The following CBL variants were observed in gnomAD, a reference collection of about 807,000 sequenced individuals.
The protein encoded by CBL is E3 ubiquitin-protein ligase CBL.
In CBL, 45 loss-of-function variants were observed where a neutral mutation model predicts 96.9. That is an observed-to-expected ratio of 0.46 (90% CI 0.37 to 0.60). CBL has a LOEUF of 0.60. Among genes scored for constraint, CBL ranks in the 20% least tolerant of loss-of-function variants. CBL has a pLI of 0.00. For synonymous variants in CBL, 420 were observed against 426.8 expected, an observed-to-expected ratio of 0.98 and a Z score of 0.20; for missense variants, 1,024 against 1,143.5, an observed-to-expected ratio of 0.90 and a Z score of 1.51.
intron 1 of CBL, among the ~76,000 whole-genome samples, chr11:119,216,339 A>AATTT (rs113078166): frequency 0.19 from 27,506 of 143,840 alleles, 3,082 homozygotes; most frequent in South Asian, 0.45. Context: ...GACTTATTGT[A>AATTT]ATTTATTTAT....
At chr11:119,216,935 G>C (rs759142161) in intron 1 of CBL, among the ~76,000 whole-genome samples, 6 of 152,080 alleles carry the variant, frequency 3.9e-5, no homozygotes, top group Non-Finnish European at 7.3e-5. Context: ...ATATACTTAA[G>C]CAAGTCGTTG....
intron 2 of CBL, among the ~76,000 whole-genome samples, chr11:119,253,347 G>A (rs1362292717): frequency 1.3e-5 from 2 of 150,240 alleles, no homozygotes; most frequent in African/African-American, 2.5e-5. Context: ...GCCATGCACC[G>A]TGGCATATGC....
intron 1 of CBL, among the ~76,000 whole-genome samples, chr11:119,211,219 A>G (rs1949316030): frequency 6.6e-6 from 1 of 152,000 alleles, no homozygotes; most frequent in African/African-American, 2.4e-5. Context: ...TAAAAATACA[A>G]AAATTAGCCG....
At chr11:119,252,653 C>T (rs930111383) in intron 2 of CBL, among the ~76,000 whole-genome samples, 25 of 151,894 alleles carry the variant, frequency 1.6e-4, no homozygotes, top group African/African-American at 4.1e-4. Context: ...GTCAGGAGTT[C>T]GAGACCAGCC....
At position 119,285,005 on chromosome 11, in the gene CBL, C is replaced by T; in HGVS notation, c.1468C>T (p.Gln490Ter). The T allele has an allele frequency of 6.2e-7, 1 of 1,614,202 alleles. No homozygotes were observed. The highest frequency in any genetic ancestry group is 8.5e-7 in the Non-Finnish European group (1 of 1,180,032). The stretch of plus-strand genomic sequence containing the variant: ...GCCTTCTCCATTCTCCATGGCCCCA[C>T]AAGCTTCCCTTCCCCCGGTGCCACC... The part of the protein sequence containing the change: ...RPPSPFSMAP[Q>*]ASLPPVPPRL... The change falls in exon 10 of 16, where the codon CAA becomes TAA. Residue 490 changes from glutamine (Q) to a stop codon, truncating the protein, a stop_gained. Transcript: ENST00000264033. LOFTEE classifies it high-confidence loss of function.
At chr11:119,232,848 A>G (rs184876914) in intron 2 of CBL, among the ~76,000 whole-genome samples, 153 bp downstream of exon 2, 98 of 152,360 alleles carry the variant, frequency 6.4e-4, no homozygotes, top group Non-Finnish European at 1.2e-3. Context: ...AAAGGTTGCC[A>G]TGGATGACGT....
chr11:119,265,655 G>C (rs112007592), intron 2 of CBL, among the ~76,000 whole-genome samples: 5 of 152,192 alleles, frequency 3.3e-5, no homozygotes, highest in African/African-American at 9.6e-5. Context: ...GGAAGCCCAA[G>C]GTGGGTGGAT....
intron 2 of CBL, among the ~76,000 whole-genome samples, chr11:119,263,251 G>A (rs1185646450): frequency 6.6e-6 from 1 of 152,216 alleles, no homozygotes; most frequent in Non-Finnish European, 1.5e-5. Context: ...TACATTGTGA[G>A]TGCTTTCATG....
At chr11:119,252,751 C>T (rs1002702141) in intron 2 of CBL, among the ~76,000 whole-genome samples, 4 of 109,276 alleles carry the variant, frequency 3.7e-5, no homozygotes, top group African/African-American at 7.4e-5. Flanking sequence ...TGGTGGTAGG[C>T]GCCTGTAATC....
At chr11:119,225,729 T>TTC (rs1555226237) in intron 1 of CBL, among the ~76,000 whole-genome samples, 1 of 144,244 alleles carries the variant, frequency 6.9e-6, no homozygotes, top group African/African-American at 2.6e-5. Flanking sequence ...ATTTTCTTTT[T>TTC]TTTTTTTTTT....
Position 119,303,313 on chromosome 11 carries a change from A to G in CBL, c.*3532A>G, listed in dbSNP as rs1227282570. On this transcript the variant is annotated 3_prime_UTR_variant, in exon 16 of 16. Coordinates refer to ENST00000264033, the MANE Select transcript of CBL (RefSeq NM_005188.4). ...TGGCCTTTCTGACTCTGGAATGACC[A>G]CTGTTCATTGAAAAATAGTTTTCTG... 1.3e-5 allele frequency: 3 copies of G among 233,096 alleles called. No individual in the cohort carries two copies. Among genetic ancestry groups the G allele is most frequent in the Non-Finnish European group, 2.5e-5 (3 of 117,762 alleles). 14.4% of individuals were successfully genotyped at this position (233,096 alleles called of 1,614,324 possible).
chr11:119,228,170 T>C (rs1219774674), intron 1 of CBL, among the ~76,000 whole-genome samples: 3 of 152,104 alleles, frequency 2.0e-5, no homozygotes, highest in Non-Finnish European at 4.4e-5. Context: ...GGCTAGAATA[T>C]GGTGGTGTGA....
At chr11:119,299,386 C>A in intron 15 of CBL, 109 bp from the exon 16 acceptor site, 1 of 1,005,522 alleles carries the variant, frequency 9.9e-7, no homozygotes, top group Admixed American at 1.9e-5. Flanking sequence ...AGCACATGTA[C>A]CCAGTTTACA....
At chr11:119,295,723 G>T (rs1324073794) in intron 12 of CBL, among the ~76,000 whole-genome samples, 3 of 152,070 alleles carry the variant, frequency 2.0e-5, no homozygotes, top group African/African-American at 7.2e-5. Flanking sequence ...GTTTCTTTCT[G>T]AATATGGACT....
chr11:119,240,433 AT>A (rs1949577227), intron 2 of CBL, among the ~76,000 whole-genome samples: 1 of 152,212 alleles, frequency 6.6e-6, no homozygotes, highest in Non-Finnish European at 1.5e-5. Flanking sequence ...TTCTTCTGGT[AT>A]TACTTCCATA....
chr11:119,281,539 G>C (rs2135307147), intron 9 of CBL, among the ~76,000 whole-genome samples: 1 of 147,618 alleles, frequency 6.8e-6, no homozygotes, highest in Admixed American at 6.9e-5. Context: ...CTGTCACCCA[G>C]GCTGGAGTGC....
Position 119,303,591 on chromosome 11 carries a change from T to C in CBL, c.*3810T>C, listed in dbSNP as rs751412714. The C allele has an allele frequency of 4.3e-6, 1 of 233,594 alleles. No homozygotes were observed. Among genetic ancestry groups the C allele is most frequent in the Non-Finnish European group, 8.5e-6 (1 of 118,056 alleles). 14.5% of individuals were successfully genotyped at this position (233,594 alleles called of 1,614,324 possible). ...ACCTTTCCTCATAGAGCTATCCTGG[T>C]TAATAACAGGCCAAGATTCTCCCAT... On this transcript the variant is annotated 3_prime_UTR_variant, in exon 16 of 16. Coordinates refer to ENST00000264033, the MANE Select transcript of CBL (RefSeq NM_005188.4).
intron 2 of CBL, among the ~76,000 whole-genome samples, chr11:119,252,768 A>C (rs1227873551): frequency 0.17 from 15 of 86 alleles, no homozygotes; most frequent in Non-Finnish European, 0.28. Flanking sequence ...AATCTCAGCT[A>C]CTTGGGAGGG....
chr11:119,256,222 C>T lies in CBL; in HGVS notation c.444-15513C>T, dbSNP rs184244572. Among the ~76,000 whole-genome samples the T allele has an allele frequency of 8.1e-3, 1,205 of 149,226 alleles. 20 individuals are homozygous for T. Among genetic ancestry groups the T allele is most frequent in the African/African-American group, 0.028 (1,135 of 40,568 alleles). On this transcript the variant is annotated intron_variant, in intron 2 of 15. Coordinates refer to ENST00000264033, the MANE Select transcript of CBL (RefSeq NM_005188.4). Reference sequence around the variant, plus strand: ...TTTTTTTTTTTTAAAGATGGAGTCTCGCTCTGTCGCCCAGGTTGGAGTGCA... The same window carrying T: ...TTTTTTTTTTTTAAAGATGGAGTCTTGCTCTGTCGCCCAGGTTGGAGTGCA...
Sources: allele counts gnomAD v4.1 joint callset (sites outside exome capture counted in the v4.1 genomes callset), GRCh38; gene constraint gnomAD v4.1.1; transcripts MANE v1.5; gene names NCBI Gene and HGNC (gene_info 2026-07-23, HGNC 2026-07-21).